DNER: variants seen among roughly 807,000 people sequenced by gnomAD.
DNER encodes delta and Notch-like epidermal growth factor-related receptor.
DNER carries 33 observed loss-of-function variants against 78.2 expected under a neutral mutation model. That is an observed-to-expected ratio of 0.42 (90% CI 0.32 to 0.56). The LOEUF is 0.56. DNER is among the 20% of genes least tolerant of loss of function. DNER has a pLI of 0.11. For missense variants in DNER, 918 were observed against 975.3 expected (o/e 0.94, Z 0.78); for synonymous variants, 417 against 384.8 (o/e 1.08, Z -0.98).
At chr2:229,640,638 G>A (rs769499665) in intron 1 of DNER, among the ~76,000 whole-genome samples, 5 of 152,314 alleles carry the variant, frequency 3.3e-5, no homozygotes, top group Non-Finnish European at 4.4e-5. Flanking sequence ...TGTTCTACGC[G>A]TCTGAGGTTG....
intron 11 of DNER, 106 bp from the exon 12 acceptor site, chr2:229,367,225 A>G (rs1342360343): frequency 2.7e-6 from 4 of 1,455,308 alleles, no homozygotes; most frequent in Non-Finnish European, 3.7e-6. Context: ...GGGCCATTCA[A>G]ACTTGGAAGG....
intron 6 of DNER, among the ~76,000 whole-genome samples, chr2:229,510,344 G>A (rs1469671092): frequency 1.3e-5 from 2 of 152,204 alleles, no homozygotes; most frequent in African/African-American, 2.4e-5. Flanking sequence ...GAGAATGGAG[G>A]GTCCGGGCAT....
intron 1 of DNER, among the ~76,000 whole-genome samples, chr2:229,663,924 C>T (rs1415168972): frequency 4.6e-5 from 7 of 152,242 alleles, no homozygotes; most frequent in Middle Eastern, 3.4e-3. Context: ...ACCTCCTCGG[C>T]TCAAGCGATT....
intron 3 of DNER, 91 bp from the exon 4 acceptor site, chr2:229,586,115 G>C: frequency 7.0e-7 from 1 of 1,420,920 alleles, no homozygotes. Context: ...TACAAAGATG[G>C]TATGTGCATC....
chr2:229,362,285 G>A (rs546688842), intron 12 of DNER, among the ~76,000 whole-genome samples: 1 of 152,258 alleles, frequency 6.6e-6, no homozygotes, highest in East Asian at 1.9e-4. Context: ...TACAGATGAG[G>A]AAACAGACAC....
At chr2:229,571,953 C>T (rs1172318844) in intron 4 of DNER, among the ~76,000 whole-genome samples, 1 of 152,110 alleles carries the variant, frequency 6.6e-6, no homozygotes, top group Non-Finnish European at 1.5e-5. Context: ...ACAGCCACCA[C>T]CAGCACCCCC....
At chr2:229,468,398 G>A (rs1279026575) in intron 7 of DNER, among the ~76,000 whole-genome samples, 1 of 152,130 alleles carries the variant, frequency 6.6e-6, no homozygotes, top group African/African-American at 2.4e-5. Context: ...CATCACTATT[G>A]TAAAACCTAA....
At chr2:229,518,151 T>A (rs1696018455) in intron 5 of DNER, among the ~76,000 whole-genome samples, 1 of 152,234 alleles carries the variant, frequency 6.6e-6, no homozygotes, top group Non-Finnish European at 1.5e-5. Context: ...CATGATGATG[T>A]CAGTCCTACC....
chr2:229,500,047 C>T (rs966354702), intron 6 of DNER, among the ~76,000 whole-genome samples: 33 of 152,128 alleles, frequency 2.2e-4, no homozygotes, highest in African/African-American at 6.3e-4. Context: ...GATTCTCCTG[C>T]CTCAGCCTCC....
At chr2:229,526,976 A>G (rs780391245) in intron 5 of DNER, among the ~76,000 whole-genome samples, 1 of 152,120 alleles carries the variant, frequency 6.6e-6, no homozygotes, top group Non-Finnish European at 1.5e-5. Context: ...GCTGCCATCT[A>G]CTACGGTCCT....
intron 11 of DNER, among the ~76,000 whole-genome samples, chr2:229,368,689 A>G (rs1692406807): frequency 6.6e-6 from 1 of 152,194 alleles, no homozygotes; most frequent in African/African-American, 2.4e-5. Context: ...CTCTTTAAAA[A>G]CAGCTCATTT....
intron 7 of DNER, among the ~76,000 whole-genome samples, chr2:229,457,805 T>A: frequency 1.3e-5 from 2 of 148,564 alleles, no homozygotes. Flanking sequence ...AACTATGTGC[T>A]CTCTAAAAGA....
At chr2:229,525,910 T>C (rs1696198874) in intron 5 of DNER, among the ~76,000 whole-genome samples, 1 of 152,222 alleles carries the variant, frequency 6.6e-6, no homozygotes, top group African/African-American at 2.4e-5. Flanking sequence ...TATTTGAATC[T>C]AGACCCACAC....
chr2:229,639,438 A>G (rs1219392023), intron 1 of DNER, among the ~76,000 whole-genome samples: 2 of 152,064 alleles, frequency 1.3e-5, no homozygotes, highest in Non-Finnish European at 2.9e-5. Context: ...TATTTTTAGT[A>G]GGACAGGGTT....
At chr2:229,611,664 C>A (rs1698051166) in intron 1 of DNER, among the ~76,000 whole-genome samples, 2 of 152,212 alleles carry the variant, frequency 1.3e-5, no homozygotes, top group South Asian at 4.1e-4. Flanking sequence ...ACCACTCCAA[C>A]CTTGTGAGGT....
intron 4 of DNER, among the ~76,000 whole-genome samples, chr2:229,556,792 G>A (rs1014639704): frequency 2.0e-5 from 3 of 152,184 alleles, no homozygotes; most frequent in African/African-American, 7.2e-5. Flanking sequence ...TTGCAACAGT[G>A]TGTCACACAT....
chr2:229,571,824 CT>C (rs1697222973), intron 4 of DNER, among the ~76,000 whole-genome samples: 1 of 152,064 alleles, frequency 6.6e-6, no homozygotes, highest in South Asian at 2.1e-4. Flanking sequence ...CTAGAGTTGA[CT>C]TTGACAGTGG....
intron 4 of DNER, among the ~76,000 whole-genome samples, chr2:229,583,668 C>T (rs1416194218): frequency 6.6e-6 from 1 of 152,142 alleles, no homozygotes; most frequent in Non-Finnish European, 1.5e-5. Context: ...AACAGAAAAA[C>T]TTAAATTCAA....
intron 4 of DNER, among the ~76,000 whole-genome samples, chr2:229,576,570 A>C (rs890817606): frequency 2.0e-5 from 3 of 152,192 alleles, no homozygotes; most frequent in Admixed American, 6.5e-5. Context: ...GGTTGCAAGG[A>C]GCTATGGCAT....
Sources: allele counts gnomAD v4.1 joint callset (sites outside exome capture counted in the v4.1 genomes callset), GRCh38; gene constraint gnomAD v4.1.1; transcripts MANE v1.5; gene names NCBI Gene and HGNC (gene_info 2026-07-23, HGNC 2026-07-21).